The following VIPR1 variants were observed in gnomAD, a reference collection of about 807,000 sequenced individuals.
VIPR1 encodes the protein vasoactive intestinal peptide receptor 1, also known as vasoactive intestinal polypeptide receptor 1.
Under a neutral mutation model 58.8 loss-of-function variants are expected in VIPR1, and 59 were observed. The ratio of observed to expected loss-of-function variants is 1.00; its 90% confidence interval spans 0.81 to 1.25. The LOEUF is 1.25. VIPR1 is among the 50% of genes most tolerant of loss of function. VIPR1 has a pLI of 0.00. For synonymous variants in VIPR1, 251 were observed against 242.1 expected (o/e 1.04, Z -0.34); for missense variants, 626 against 602.7 (o/e 1.04, Z -0.40).
At chr3:42,489,317 T>G (rs1269764235) in exon 1 of VIPR1, 1 of 152,124 alleles carries the variant, frequency 6.6e-6, no homozygotes, top group Non-Finnish European at 1.5e-5. Flanking sequence ...AGCTTACTAG[T>G]GGAAAAGCAG....
chr3:42,537,031 T>G lies in VIPR1; in HGVS notation c.*750T>G, dbSNP rs1466457050. 6.6e-6 allele frequency: 1 copy of G among 152,186 alleles called. No individual in the cohort carries two copies. Among genetic ancestry groups the G allele is most frequent in the African/African-American group, 2.4e-5 (1 of 41,430 alleles). 9.4% of individuals were successfully genotyped at this position (152,186 alleles called of 1,614,324 possible). A position where few individuals can be genotyped will look rare whatever the true frequency, so the allele number is the denominator to read the frequency against. ...TGCTAGGTCTCGGACTAAGCCTACC[T>G]GCTCTCCAAGTCTCAGTGGCTTCAT... On this transcript the variant is annotated 3_prime_UTR_variant, in exon 13 of 13. Coordinates refer to ENST00000325123, the MANE Select transcript of VIPR1 (RefSeq NM_004624.4).
chr3:42,531,734 G>C lies in VIPR1; in HGVS notation c.852-69G>C, dbSNP rs768821322. On this transcript the variant is annotated intron_variant, in intron 8 of 12. Coordinates refer to ENST00000325123, the MANE Select transcript of VIPR1 (RefSeq NM_004624.4). Reference sequence around the variant, plus strand: ...TCAGGAGCAGAGCTGGGGACAACTGGGGGAGGTGCTGCTGAGTCTCTCTCT... The same window carrying C: ...TCAGGAGCAGAGCTGGGGACAACTGCGGGAGGTGCTGCTGAGTCTCTCTCT... The C allele has an allele frequency of 3.1e-6, 5 of 1,601,530 alleles. 1 individual carries two copies. Among genetic ancestry groups the C allele is most frequent in the South Asian group, 2.2e-5 (2 of 90,778 alleles).
intron 1 of VIPR1, among the ~76,000 whole-genome samples, chr3:42,504,357 T>C (rs1004158179): frequency 8.6e-5 from 13 of 151,984 alleles, no homozygotes; most frequent in Admixed American, 5.9e-4. Context: ...CAAATCTGTC[T>C]CCTCCCTCCA....
chr3:42,490,909 G>A lies in VIPR1; in HGVS notation c.-245+1231G>A, dbSNP rs144645867. On this transcript the variant is annotated intron_variant, in intron 1 of 13. Coordinates refer to the VIPR1 transcript ENST00000433647. Reference sequence around the variant, plus strand: ...GGAGGCTGGTATGCCTTCAGGGAGAGCAGAAGACCAGAAGAGAGGTGAAGG... The same window carrying A: ...GGAGGCTGGTATGCCTTCAGGGAGAACAGAAGACCAGAAGAGAGGTGAAGG... Among the ~76,000 whole-genome samples the A allele has an allele frequency of 1.8e-3, 276 of 152,280 alleles. 1 individual carries two copies. Among genetic ancestry groups the A allele is most frequent in the East Asian group, 7.7e-3 (40 of 5,180 alleles).
At chr3:42,525,750 G>T in intron 3 of VIPR1, 137 bp from the exon 4 acceptor site, 1 of 882,676 alleles carries the variant, frequency 1.1e-6, no homozygotes, top group South Asian at 1.7e-5. Context: ...TGGGTAACTG[G>T]GTCAGGGCAG....
intron 10 of VIPR1, 45 bp downstream of exon 10, chr3:42,532,378 AG>A (rs781664811): frequency 3.2e-6 from 5 of 1,570,306 alleles, no homozygotes; most frequent in Non-Finnish European, 4.4e-6. Flanking sequence ...CTCCATCCCC[AG>A]TCCTCAAATC....
intron 4 of VIPR1, among the ~76,000 whole-genome samples, 179 bp from the exon 5 acceptor site, chr3:42,527,214 A>G (rs1016850067): frequency 2.0e-5 from 3 of 152,032 alleles, no homozygotes; most frequent in Admixed American, 2.0e-4. Flanking sequence ...CTGTCTGTAG[A>G]AACCAGGGCG....
chr3:42,491,876 G>A (rs530425926), intron 1 of VIPR1, among the ~76,000 whole-genome samples: 2 of 152,288 alleles, frequency 1.3e-5, no homozygotes, highest in South Asian at 4.2e-4. Flanking sequence ...CACCTGGCCT[G>A]AAGCTCTTCT....
chr3:42,504,216 G>A (rs75664286), intron 1 of VIPR1, among the ~76,000 whole-genome samples: 13,857 of 152,100 alleles, frequency 0.091, 1,685 homozygotes, highest in African/African-American at 0.28. Flanking sequence ...TGGATGAACC[G>A]GGGATCTTGG....
At chr3:42,492,126 C>G (rs997140861) in intron 1 of VIPR1, among the ~76,000 whole-genome samples, 3 of 151,944 alleles carry the variant, frequency 2.0e-5, no homozygotes, top group African/African-American at 7.3e-5. Context: ...CCAACTCCCT[C>G]CTCCCCTCTC....
intron 4 of VIPR1, 101 bp from the exon 5 acceptor site, chr3:42,527,292 G>T: frequency 9.0e-7 from 1 of 1,111,938 alleles, no homozygotes; most frequent in Non-Finnish European, 1.3e-6. Flanking sequence ...CTGAGGCAGG[G>T]TTGGGCAGGC....
At chr3:42,526,030 G>A (rs371195430) in intron 4 of VIPR1, 37 bp downstream of exon 4, 43 of 1,569,504 alleles carry the variant, frequency 2.7e-5, no homozygotes, top group Admixed American at 1.1e-4. Context: ...CCTGCAGAGC[G>A]CCGGGGCCCA....
chr3:42,524,662 A>C (rs1701134226), intron 3 of VIPR1, among the ~76,000 whole-genome samples: 1 of 152,166 alleles, frequency 6.6e-6, no homozygotes, highest in Non-Finnish European at 1.5e-5. Flanking sequence ...CAAAGTTTGG[A>C]AATAAACACA....
rs980389849 is a variant in VIPR1, at chr3:42,513,747, A to AGGGCGGCC, written c.79-1_85dup. The stretch of plus-strand genomic sequence containing the variant: ...ATGGGCCCTCCCTGTCTTTGTTCTC[A>AGGGCGGCC]GGGCGGCCAGGCGGCCAGGCTGCAG... On this transcript the variant is annotated splice_acceptor_variant, in intron 1 of 12. Transcript: ENST00000325123. LOFTEE classifies it high-confidence loss of function. 1.3e-6 allele frequency: 2 copies of AGGGCGGCC among 1,551,146 alleles called. No individual in the cohort carries two copies. The highest frequency in any genetic ancestry group is 2.7e-5 in the African/African-American group (2 of 73,040).
intron 6 of VIPR1, among the ~76,000 whole-genome samples, chr3:42,528,915 C>T (rs889474032): frequency 1.3e-5 from 2 of 152,172 alleles, no homozygotes; most frequent in African/African-American, 4.8e-5. Flanking sequence ...GAATCTCAGG[C>T]ATTTCAACAA....
At chr3:42,491,085 CA>C (rs1480586697) in intron 1 of VIPR1, among the ~76,000 whole-genome samples, 2 of 152,074 alleles carry the variant, frequency 1.3e-5, no homozygotes, top group Admixed American at 6.6e-5. Flanking sequence ...CAAACTTTGA[CA>C]GGAGGATGCC....
Position 42,519,384 on chromosome 3 carries a change from C to CT in VIPR1, c.292+55dup, listed in dbSNP as rs1322009621. ...TGAGTGGGGCCGGCTGGAGTGGGGA[C>CT]TCACCTCTCAAGGAAGTGGAAAGGC... On this transcript the variant is annotated intron_variant, in intron 3 of 12. Transcript: ENST00000325123. 6.1e-5 allele frequency: 90 copies of CT among 1,484,024 alleles called. No individual in the cohort carries two copies. In the African/African-American group the frequency reaches 1.2e-3, roughly 19 times the overall value. 91.9% of individuals were successfully genotyped at this position (1,484,024 alleles called of 1,614,324 possible).
rs751253770 is a variant in VIPR1 at position 42,490,139 on chromosome 3, C to T, written c.-245+461C>T. On this transcript the variant is annotated intron_variant, in intron 1 of 13. Transcript: ENST00000433647. ...GGGCAGGAGTTCAGCTTCCTCCTTGCTCCTTCCCCACCCCAATTCCTCCCC... is the reference window on the plus strand; with the variant it reads ...GGGCAGGAGTTCAGCTTCCTCCTTGTTCCTTCCCCACCCCAATTCCTCCCC... 3.3e-5 allele frequency among the ~76,000 whole-genome samples: 5 copies of T among 152,124 alleles called. No homozygotes were observed. The South Asian group carries it at 1.0e-3, about 32-fold the overall frequency.
chr3:42,529,111 C>T (rs150557392), intron 6 of VIPR1, among the ~76,000 whole-genome samples: 1,690 of 152,210 alleles, frequency 0.011, 45 homozygotes, highest in African/African-American at 0.038. Context: ...TTCATTACTG[C>T]GAAGCTTTTC....
Sources: gnomAD v4.1 joint callset for allele counts (sites outside exome capture counted in the v4.1 genomes callset) on GRCh38, gnomAD v4.1.1 for gene constraint, MANE v1.5 for transcripts, NCBI Gene and HGNC (gene_info 2026-07-23, HGNC 2026-07-21) for gene names.